Variants in EYA4 observed in about 807,000 individuals in gnomAD.
EYA4 encodes protein phosphatase EYA4.
A neutral mutation model predicts 87.9 loss-of-function variants in EYA4; 31 were observed. The observed-to-expected ratio is 0.35, with a 90% CI of 0.27 to 0.48. EYA4 has a LOEUF of 0.48. Ranked by LOEUF, EYA4 falls within the 20% of genes least tolerant of loss-of-function variation. The pLI is 0.99. For missense variants in EYA4, 678 were observed against 761.4 expected (o/e 0.89, Z 1.29); for synonymous variants, 263 against 270.6 (o/e 0.97, Z 0.28).
chr6:133,265,549 A>G (rs181159476), intron 1 of EYA4, among the ~76,000 whole-genome samples: 31 of 152,162 alleles, frequency 2.0e-4, no homozygotes, highest in African/African-American at 7.2e-4. Context: ...CATAACAACC[A>G]TTGCTAAATT....
intron 5 of EYA4, among the ~76,000 whole-genome samples, chr6:133,451,519 G>A (rs1417029406): frequency 6.6e-6 from 1 of 152,140 alleles, no homozygotes; most frequent in African/African-American, 2.4e-5. Flanking sequence ...GAGGGCTAGG[G>A]CAGTATCTAA....
chr6:133,410,930 G>A (rs922925707), intron 3 of EYA4, among the ~76,000 whole-genome samples: 1 of 152,040 alleles, frequency 6.6e-6, no homozygotes, highest in Non-Finnish European at 1.5e-5. Flanking sequence ...TAGAGGTGGG[G>A]ATGAGCCCTC....
At chr6:133,323,762 T>A (rs532880141) in intron 2 of EYA4, among the ~76,000 whole-genome samples, 1 of 152,136 alleles carries the variant, frequency 6.6e-6, no homozygotes, top group Non-Finnish European at 1.5e-5. Flanking sequence ...GATATACTAC[T>A]GTGGTCAAAA....
At chr6:133,352,406 A>T (rs549555387) in intron 2 of EYA4, among the ~76,000 whole-genome samples, 1 of 152,182 alleles carries the variant, frequency 6.6e-6, no homozygotes, top group Non-Finnish European at 1.5e-5. Context: ...ATGAAACAAC[A>T]TGGAAAATGT....
Position 133,318,921 on chromosome 6 carries a change from C to T in EYA4, c.33+44108C>T, listed in dbSNP as rs1038163777. 9.2e-5 allele frequency among the ~76,000 whole-genome samples: 14 copies of T among 152,254 alleles called. 1 individual carries two copies. The highest frequency in any genetic ancestry group is 3.9e-4 in the Admixed American group (6 of 15,282). On this transcript the variant is annotated intron_variant, in intron 2 of 19. Coordinates refer to ENST00000355286, the MANE Select transcript of EYA4 (RefSeq NM_004100.5). Reference sequence around the variant, plus strand: ...AATGCGATGATCTGAGCATAAAGTACGATTTTTCTAAAGCTCATATGAATC... The same window carrying T: ...AATGCGATGATCTGAGCATAAAGTATGATTTTTCTAAAGCTCATATGAATC...
At chr6:133,509,412 A>T (rs1463609910) in intron 14 of EYA4, among the ~76,000 whole-genome samples, 1 of 152,120 alleles carries the variant, frequency 6.6e-6, no homozygotes, top group Admixed American at 6.6e-5. Context: ...AAAAAAAAAA[A>T]AAAACCGAAC....
intron 2 of EYA4, among the ~76,000 whole-genome samples, chr6:133,333,276 A>G (rs1782120585): frequency 6.6e-6 from 1 of 152,234 alleles, no homozygotes; most frequent in Non-Finnish European, 1.5e-5. Flanking sequence ...AATGAAAACA[A>G]CAGAGATGAG....
chr6:133,443,922 T>G (rs942037976), intron 3 of EYA4, among the ~76,000 whole-genome samples: 2 of 152,190 alleles, frequency 1.3e-5, no homozygotes, highest in African/African-American at 4.8e-5. Context: ...AATATTTACT[T>G]TATAGCCCAC....
At position 133,257,598 on chromosome 6, in the gene EYA4, T is replaced by C. The variant is rs1775442521; in HGVS notation, c.-66+15849T>C. ...TTAATCAGGGAAGCTAAAAAACGTT[T>C]TATAAACGTTGAATCAAAACTCTCA... On this transcript the variant is annotated intron_variant, in intron 1 of 19. Transcript: ENST00000355286. Among the ~76,000 whole-genome samples, 3 of 152,152 alleles carry C rather than the reference T, an allele frequency of 2.0e-5. No homozygotes were observed. In the South Asian group the frequency reaches 6.2e-4, roughly 32 times the overall value.
At chr6:133,273,097 G>GTGTGTATATATATATATATATATATA (rs142020137) in intron 1 of EYA4, among the ~76,000 whole-genome samples, 25 of 106,650 alleles carry the variant, frequency 2.3e-4, no homozygotes, top group African/African-American at 7.6e-4. Flanking sequence ...ATATATATAT[G>GTGTGTATATATATATATATATATATA]TATATATATA....
At chr6:133,272,565 GC>G (rs1296092454) in intron 1 of EYA4, among the ~76,000 whole-genome samples, 1 of 152,170 alleles carries the variant, frequency 6.6e-6, no homozygotes, top group Admixed American at 6.5e-5. Context: ...CCAGTAATGG[GC>G]CAAGAGCTGT....
chr6:133,501,760 G>A (rs1161829110), intron 13 of EYA4, among the ~76,000 whole-genome samples: 1 of 151,430 alleles, frequency 6.6e-6, no homozygotes, highest in Non-Finnish European at 1.5e-5. Flanking sequence ...AAAAAAAAAC[G>A]TCCTTAGTTT....
rs755567144 is a variant in EYA4 at position 133,512,942 on chromosome 6, A to G, written c.1405A>G (p.Thr469Ala). The G allele has an allele frequency of 1.9e-6, 3 of 1,614,142 alleles. No individual in the cohort carries two copies. The highest frequency in any genetic ancestry group is 1.7e-5 in the Admixed American group (1 of 60,020). Reference protein sequence around the residue: ...AASSANLCLPTGVRGGVDWMR... With the variant: ...AASSANLCLPAGVRGGVDWMR... ...AAGTAGTGCAAACCTTTGTTTGCCA[A>G]CAGGTGTAAGAGGAGGGGTTGACTG... is the stretch of plus-strand genomic sequence containing the variant. The change falls in exon 16 of 20, where the codon ACA (threonine) becomes GCA (alanine). Residue 469 changes from threonine to alanine, a missense_variant. Physicochemically the swap from Thr to Ala is moderately conservative, Grantham distance 58. Coordinates refer to ENST00000355286, the MANE Select transcript of EYA4 (RefSeq NM_004100.5).
intron 3 of EYA4, among the ~76,000 whole-genome samples, chr6:133,442,713 T>C (rs1022229553): frequency 6.6e-6 from 1 of 152,146 alleles, no homozygotes; most frequent in African/African-American, 2.4e-5. Flanking sequence ...TGTGGTGAAG[T>C]AGGAAAAGCA....
At chr6:133,305,783 C>G (rs765798808) in intron 2 of EYA4, among the ~76,000 whole-genome samples, 2 of 152,226 alleles carry the variant, frequency 1.3e-5, no homozygotes, top group Middle Eastern at 3.4e-3. Flanking sequence ...GTATTCAGGA[C>G]CACAGAATTG....
In EYA4 at chr6:133,457,184, C is replaced by T. The variant is rs146889030; in HGVS notation, c.370+536C>T. On this transcript the variant is annotated intron_variant, in intron 6 of 19. Coordinates refer to ENST00000355286, the MANE Select transcript of EYA4 (RefSeq NM_004100.5). ...TGCATTAGAACCCAGCCTCTGAGAGCGCTCGAATGCTTCAAAGAGAACAAT... is the reference window on the plus strand; with the variant it reads ...TGCATTAGAACCCAGCCTCTGAGAGTGCTCGAATGCTTCAAAGAGAACAAT... 9.2e-5 allele frequency among the ~76,000 whole-genome samples: 14 copies of T among 152,248 alleles called. No individual in the cohort carries two copies. In the East Asian group the frequency reaches 1.7e-3, roughly 19 times the overall value.
intron 2 of EYA4, among the ~76,000 whole-genome samples, chr6:133,310,842 T>C (rs891650806): frequency 2.0e-5 from 3 of 152,226 alleles, no homozygotes; most frequent in Admixed American, 1.3e-4. Flanking sequence ...ATGCCTACCG[T>C]TAATTTCCTA....
rs868606778 is a variant in EYA4 at position 133,307,330 on chromosome 6, G to A, written c.33+32517G>A. Among the ~76,000 whole-genome samples the A allele has an allele frequency of 3.6e-4, 55 of 152,310 alleles. 1 individual carries two copies. Among genetic ancestry groups the A allele is most frequent in the Middle Eastern group, 3.4e-3 (1 of 294 alleles). ...TGCATTTAGATTTCCTTTTAATCTG[G>A]AGAGATAAAATTCAAGTTTGTATCT... On this transcript the variant is annotated intron_variant, in intron 2 of 19. Coordinates refer to ENST00000355286, the MANE Select transcript of EYA4 (RefSeq NM_004100.5).
chr6:133,446,412 T>G (rs778153532), intron 3 of EYA4, among the ~76,000 whole-genome samples: 2 of 152,208 alleles, frequency 1.3e-5, no homozygotes, highest in Non-Finnish European at 2.9e-5. Context: ...AAACCGGTTA[T>G]GAGGCTTAAC....
Sources: gnomAD v4.1 joint callset for allele counts (sites outside exome capture counted in the v4.1 genomes callset) on GRCh38, gnomAD v4.1.1 for gene constraint, MANE v1.5 for transcripts, NCBI Gene and HGNC (gene_info 2026-07-23, HGNC 2026-07-21) for gene names.